PHF20: variants seen among roughly 807,000 people sequenced by gnomAD.
The protein encoded by PHF20 is PHD finger protein 20.
A neutral mutation model predicts 113.5 loss-of-function variants in PHF20; 23 were observed. The observed-to-expected ratio is 0.20, with a 90% CI of 0.15 to 0.29. PHF20 has a LOEUF of 0.29. Among genes scored for constraint, PHF20 ranks in the 10% least tolerant of loss-of-function variants. The probability of loss-of-function intolerance (pLI) is 1.00; values close to 1 mark genes in which losing one functional copy is unlikely to be tolerated. For missense variants in PHF20, 943 were observed against 1,219.6 expected, an observed-to-expected ratio of 0.77 and a Z score of 3.38; for synonymous variants, 434 against 457.3, an observed-to-expected ratio of 0.95 and a Z score of 0.65.
chr20:35,842,892 T>C, intron 3 of PHF20, 148 bp downstream of exon 3: 1 of 655,706 alleles, frequency 1.5e-6, no homozygotes, highest in Non-Finnish European at 2.6e-6. Flanking sequence ...CACCTGGGGC[T>C]CTTGAAGAAT....
chr20:35,818,814 G>C (rs2042119850), intron 2 of PHF20, among the ~76,000 whole-genome samples: 1 of 152,192 alleles, frequency 6.6e-6, no homozygotes, highest in African/African-American at 2.4e-5. Context: ...TGGGATTACA[G>C]GCATGAGCCA....
intron 2 of PHF20, among the ~76,000 whole-genome samples, chr20:35,842,193 A>G (rs534520178): frequency 2.0e-5 from 3 of 152,180 alleles, no homozygotes; most frequent in African/African-American, 7.2e-5. Flanking sequence ...TAAAAATACA[A>G]AAATTAGCTG....
At chr20:35,938,397 A>C (rs1272945348) in intron 15 of PHF20, among the ~76,000 whole-genome samples, 1 of 152,126 alleles carries the variant, frequency 6.6e-6, no homozygotes, top group Admixed American at 6.5e-5. Flanking sequence ...GCCCAGTTTC[A>C]CAGAGGAGGA....
At position 35,947,617 on chromosome 20, in the gene PHF20, G is replaced by A; in HGVS notation, c.3029G>A (p.Cys1010Tyr). Residue 1010 changes from cysteine to tyrosine, a missense_variant, in exon 18 of 18, where the codon TGC (cysteine) becomes TAC (tyrosine). Physicochemically the swap from Cys to Tyr is radical, Grantham distance 194. Transcript: ENST00000374012. ...LGKVQQIALC[C>Y]ST ...AAGGTGCAGCAGATCGCCCTCTGCT[G>A]CTCAACATGAAACTGGGCACCCAAA... The A allele has an allele frequency of 6.2e-7, 1 of 1,613,620 alleles. No individual in the cohort carries two copies. Among genetic ancestry groups the A allele is most frequent in the Non-Finnish European group, 8.5e-7 (1 of 1,179,736 alleles).
chr20:35,798,981 T>C (rs1010878336), intron 1 of PHF20, among the ~76,000 whole-genome samples: 2 of 152,164 alleles, frequency 1.3e-5, no homozygotes. Flanking sequence ...CCTGCCTTTT[T>C]ATGTAATATA....
intron 4 of PHF20, chr20:35,849,357 C>T (rs1415179198): frequency 4.4e-6 from 2 of 453,902 alleles, no homozygotes; most frequent in Non-Finnish European, 9.1e-6. Context: ...AGATCTAATA[C>T]CTGCAGAGCC....
intron 1 of PHF20, among the ~76,000 whole-genome samples, chr20:35,774,296 C>A (rs965167884): frequency 6.6e-6 from 1 of 152,016 alleles, no homozygotes; most frequent in African/African-American, 2.4e-5. Flanking sequence ...TGGTCTCGAT[C>A]TCCTGACCTC....
chr20:35,916,314 A>G (rs1345363889), intron 12 of PHF20, among the ~76,000 whole-genome samples: 1 of 152,236 alleles, frequency 6.6e-6, no homozygotes, highest in Non-Finnish European at 1.5e-5. Context: ...TAAAATATTA[A>G]TAGTTATGCC....
intron 2 of PHF20, among the ~76,000 whole-genome samples, chr20:35,828,608 G>A (rs2042303904): frequency 1.3e-5 from 2 of 152,178 alleles, no homozygotes; most frequent in Non-Finnish European, 2.9e-5. Context: ...TATAGGGCAG[G>A]CATGTCAACA....
At chr20:35,840,151 G>A (rs1200825358) in intron 2 of PHF20, among the ~76,000 whole-genome samples, 1 of 152,056 alleles carries the variant, frequency 6.6e-6, no homozygotes, top group Non-Finnish European at 1.5e-5. Context: ...CAGGTTGCAG[G>A]GAGAAAATAC....
chr20:35,867,449 C>T (rs1482166599), intron 6 of PHF20, among the ~76,000 whole-genome samples: 2 of 152,014 alleles, frequency 1.3e-5, no homozygotes, highest in Non-Finnish European at 2.9e-5. Context: ...TTAGTAGAGA[C>T]AGGGTTTCAC....
At chr20:35,848,869 A>G (rs2042668937) in intron 4 of PHF20, among the ~76,000 whole-genome samples, 1 of 151,896 alleles carries the variant, frequency 6.6e-6, no homozygotes, top group South Asian at 2.1e-4. Flanking sequence ...AAAAAAAAAA[A>G]AAAAAAGTCT....
chr20:35,772,595 G>A (rs1267782528), intron 1 of PHF20, among the ~76,000 whole-genome samples: 1 of 152,028 alleles, frequency 6.6e-6, no homozygotes, highest in African/African-American at 2.4e-5. Context: ...TGAAAACTGG[G>A]CGGCACACCC....
chr20:35,827,192 C>T (rs8116093), intron 2 of PHF20, among the ~76,000 whole-genome samples: 7,292 of 152,226 alleles, frequency 0.048, 216 homozygotes, highest in African/African-American at 0.089. Flanking sequence ...ACCTCTGCCT[C>T]CTGGGTTCAG....
intron 1 of PHF20, among the ~76,000 whole-genome samples, chr20:35,781,343 G>T (rs1350028260): frequency 2.0e-5 from 3 of 149,362 alleles, no homozygotes; most frequent in Non-Finnish European, 4.5e-5. Flanking sequence ...GGGTTTCACC[G>T]TATTAGCCAG....
At chr20:35,926,229 C>CT (rs2055629065) in intron 13 of PHF20, among the ~76,000 whole-genome samples, 1 of 110,634 alleles carries the variant, frequency 9.0e-6, no homozygotes, top group African/African-American at 3.3e-5. Flanking sequence ...GACAGACTTT[C>CT]ATTTTTTTTT....
At chr20:35,841,593 A>G (rs1434058849) in intron 2 of PHF20, among the ~76,000 whole-genome samples, 1 of 152,026 alleles carries the variant, frequency 6.6e-6, no homozygotes, top group Non-Finnish European at 1.5e-5. Context: ...AACATGGTGA[A>G]ATCCCGTTTC....
At chr20:35,937,392 T>C (rs2055884822) in intron 15 of PHF20, among the ~76,000 whole-genome samples, 1 of 150,470 alleles carries the variant, frequency 6.6e-6, no homozygotes, top group Non-Finnish European at 1.5e-5. Context: ...CGCTTGAACC[T>C]GGGAGGTGGA....
At chr20:35,927,957 G>A in intron 14 of PHF20, 78 bp downstream of exon 14, 2 of 998,694 alleles carry the variant, frequency 2.0e-6, no homozygotes, top group Non-Finnish European at 3.2e-6. Context: ...CATTCTAAAT[G>A]TCTGCGGTCT....
Sources: gnomAD v4.1 joint callset for allele counts (sites outside exome capture counted in the v4.1 genomes callset) on GRCh38, gnomAD v4.1.1 for gene constraint, MANE v1.5 for transcripts, NCBI Gene and HGNC (gene_info 2026-07-23, HGNC 2026-07-21) for gene names.